EDARADD: variants seen among roughly 807,000 people sequenced by gnomAD.
EDARADD encodes the protein EDAR associated via death domain.
A neutral mutation model predicts 25.6 loss-of-function variants in EDARADD; 20 were observed. The ratio of observed to expected loss-of-function variants is 0.78; its 90% CI spans 0.55 to 1.14. The LOEUF (loss-of-function observed/expected upper bound fraction) is 1.14. Ranked by LOEUF, EDARADD falls within the 50% of genes most tolerant of loss-of-function variation. The probability of loss-of-function intolerance (pLI) is 0.00; values close to 1 mark genes in which losing one functional copy is unlikely to be tolerated. For synonymous variants in EDARADD, 86 were observed against 94.4 expected, an observed-to-expected ratio of 0.91 and a Z score of 0.52; for missense variants, 225 against 270.1, an observed-to-expected ratio of 0.83 and a Z score of 1.17.
intron 4 of EDARADD, among the ~76,000 whole-genome samples, chr1:236,437,600 T>G (rs962779651): frequency 7.2e-5 from 11 of 152,054 alleles, no homozygotes; most frequent in African/African-American, 2.2e-4. Context: ...GAGGGGAGAC[T>G]GCAGTTCTAA....
intron 5 of EDARADD, among the ~76,000 whole-genome samples, chr1:236,474,852 G>T (rs1659459452): frequency 6.6e-6 from 1 of 152,120 alleles, no homozygotes; most frequent in South Asian, 2.1e-4. Flanking sequence ...TCATTTTTTG[G>T]CTGGGTGTGA....
chr1:236,436,344 A>G (rs976243177), intron 4 of EDARADD, among the ~76,000 whole-genome samples: 1 of 151,968 alleles, frequency 6.6e-6, no homozygotes, highest in Non-Finnish European at 1.5e-5. Context: ...TTTAGTAGAG[A>G]CCACCATAGG....
At chr1:236,358,555 T>A (rs1759376) in intron 3 of EDARADD, among the ~76,000 whole-genome samples, 76,274 of 152,004 alleles carry the variant, frequency 0.5, 19,876 homozygotes, top group East Asian at 0.84. Flanking sequence ...CATCCCAGGG[T>A]TTCTGGTACA....
At chr1:236,403,826 C>T (rs1405190566) in intron 1 of EDARADD, among the ~76,000 whole-genome samples, 1 of 152,194 alleles carries the variant, frequency 6.6e-6, no homozygotes, top group Non-Finnish European at 1.5e-5. Flanking sequence ...CTCGCCAGCC[C>T]TGATGCATCA....
At chr1:236,478,405 A>G (rs961118866) in intron 5 of EDARADD, among the ~76,000 whole-genome samples, 9 of 146,772 alleles carry the variant, frequency 6.1e-5, no homozygotes, top group Non-Finnish European at 1.2e-4. Flanking sequence ...ATATATATAT[A>G]TAAATGGATA....
At chr1:236,405,595 C>G (rs609592) in intron 1 of EDARADD, among the ~76,000 whole-genome samples, 102,819 of 151,996 alleles carry the variant, frequency 0.68, 35,526 homozygotes, top group Non-Finnish European at 0.75. Context: ...AGACTGCTAG[C>G]TCTTAGTGAT....
rs891945186 is a variant in EDARADD, at chr1:236,484,656, C to T, written c.*2007C>T. On this transcript the variant is annotated 3_prime_UTR_variant, in exon 6 of 6. Transcript: ENST00000334232. The surrounding 1 kb of genome is among the most constrained non-coding windows in gnomAD (Gnocchi z 4.1). Reference sequence around the variant, plus strand: ...TCTACAGAAGCAGGTTGCAGTGAGCCGAGATTGCGCCACTGCACACCAGTC... The same window carrying T: ...TCTACAGAAGCAGGTTGCAGTGAGCTGAGATTGCGCCACTGCACACCAGTC... 11 of 491,820 alleles carry T rather than the reference C, an allele frequency of 2.2e-5. No homozygotes were observed. The highest frequency in any genetic ancestry group is 8.0e-5 in the African/African-American group (4 of 49,732). The allele number at this position is 491,820 out of a possible 1,614,324, so 30.5% of individuals were successfully genotyped here.
In EDARADD at chr1:236,395,680, C is replaced by T. The variant is rs1221685747; in HGVS notation, c.61+1175C>T. ...GCGCAGGTAAAGGGACACAGCGCCG[C>T]GCCCGCTCCTGGAGCGAGCACCGCG... On this transcript the variant is annotated intron_variant, in intron 1 of 5. Coordinates refer to ENST00000334232, the MANE Select transcript of EDARADD (RefSeq NM_145861.4). The surrounding 1 kb of genome is among the most constrained non-coding windows in gnomAD (Gnocchi z 6.9). The T allele has an allele frequency of 6.4e-7, 1 of 1,562,050 alleles. No individual in the cohort carries two copies. The highest frequency in any genetic ancestry group is 8.6e-7 in the Non-Finnish European group (1 of 1,157,386).
At chr1:236,394,188 A>G (rs145079391), upstream of EDARADD, 14 of 478,548 alleles carry the variant, frequency 2.9e-5, no homozygotes, top group Admixed American at 4.1e-4. Flanking sequence ...GAATAATTCC[A>G]TCTCCATGAG....
In EDARADD at chr1:236,400,720, A is replaced by ATTTTT. The variant is rs55864840; in HGVS notation, c.61+6229_61+6233dup. On this transcript the variant is annotated intron_variant, in intron 1 of 5. Coordinates refer to ENST00000334232, the MANE Select transcript of EDARADD (RefSeq NM_145861.4). The stretch of plus-strand genomic sequence containing the variant: ...CAGGCTTGTACCACCACACCCGGCT[A>ATTTTT]TTTTTTTTTTTTTTTTTTGTATTTT... Among the ~76,000 whole-genome samples, 47 of 121,158 alleles carry ATTTTT rather than the reference A, an allele frequency of 3.9e-4. 1 individual carries two copies. The highest frequency in any genetic ancestry group is 6.0e-4 in the Non-Finnish European group (36 of 60,256). 79.5% of individuals were successfully genotyped at this position (121,158 alleles called of 152,430 possible). A position where few individuals can be genotyped will look rare whatever the true frequency, so the allele number is the denominator to read the frequency against.
At chr1:236,472,896 T>C (rs192651670) in intron 5 of EDARADD, among the ~76,000 whole-genome samples, 2 of 152,202 alleles carry the variant, frequency 1.3e-5, no homozygotes, top group Admixed American at 1.3e-4. Flanking sequence ...TGGTACACGG[T>C]GTCCTCTCCA....
At chr1:236,472,533 G>T (rs1319997141) in intron 5 of EDARADD, among the ~76,000 whole-genome samples, 1 of 152,116 alleles carries the variant, frequency 6.6e-6, no homozygotes, top group Admixed American at 6.6e-5. Flanking sequence ...TTAAAAGACT[G>T]TTTGCTTGTT....
intron 4 of EDARADD, among the ~76,000 whole-genome samples, chr1:236,460,289 A>G (rs1659003127): frequency 6.6e-6 from 1 of 151,408 alleles, no homozygotes; most frequent in African/African-American, 2.4e-5. Context: ...GGCTTAAGCA[A>G]TCCTCCCACC....
chr1:236,447,534 T>C (rs1399325477), intron 4 of EDARADD, among the ~76,000 whole-genome samples: 2 of 152,096 alleles, frequency 1.3e-5, no homozygotes, highest in East Asian at 3.9e-4. Context: ...TTCTTAGCTG[T>C]TTTTGGATAA....
In EDARADD at chr1:236,350,163, A is replaced by T. The variant is rs1271843910; in HGVS notation, c.-141-541A>T. Among the ~76,000 whole-genome samples the T allele has an allele frequency of 3.9e-5, 6 of 152,232 alleles. No individual in the cohort carries two copies. In the South Asian group the frequency reaches 1.2e-3, roughly 32 times the overall value. On this transcript the variant is annotated intron_variant, in intron 2 of 7. Transcript: ENST00000439430. ...AAGGGGGAAAGAGGATTCTCTGTAG[A>T]TGTGGATTTTTCCCACAAGGGATGG...
intron 3 of EDARADD, among the ~76,000 whole-genome samples, chr1:236,361,276 T>G (rs1166600438): frequency 6.6e-6 from 1 of 151,722 alleles, no homozygotes. Context: ...TATACCACTG[T>G]CAATTCCTTG....
At chr1:236,459,398 C>T (rs1658978426) in intron 4 of EDARADD, among the ~76,000 whole-genome samples, 1 of 152,110 alleles carries the variant, frequency 6.6e-6, no homozygotes, top group African/African-American at 2.4e-5. Flanking sequence ...TATGAAATTA[C>T]ACCTGAGCAT....
intron 4 of EDARADD, among the ~76,000 whole-genome samples, chr1:236,463,863 C>T (rs1174515528): frequency 1.3e-5 from 2 of 152,194 alleles, no homozygotes; most frequent in Non-Finnish European, 2.9e-5. Flanking sequence ...GGTGTCTTTT[C>T]ATCATCAAGG....
chr1:236,464,616 A>G (rs145443323), intron 4 of EDARADD, among the ~76,000 whole-genome samples: 1,550 of 151,778 alleles, frequency 0.01, 26 homozygotes, highest in African/African-American at 0.035. Context: ...TGTTTTTAGT[A>G]GAGCCGGGGT....
Sources: gnomAD v4.1 joint callset for allele counts (sites outside exome capture counted in the v4.1 genomes callset) on GRCh38, gnomAD v4.1.1 for gene constraint, Gnocchi (gnomAD v3.1) non-coding constraint, MANE v1.5 for transcripts, NCBI Gene and HGNC (gene_info 2026-07-23, HGNC 2026-07-21) for gene names.